FHIT: variants seen among roughly 807,000 people sequenced by gnomAD.
FHIT encodes bis(5'-adenosyl)-triphosphatase.
A neutral mutation model predicts 17.9 loss-of-function variants in FHIT; 19 were observed. That is an observed-to-expected ratio of 1.06 (90% CI 0.74 to 1.56). The LOEUF is 1.56. FHIT is among the 40% of genes most tolerant of loss of function. FHIT has a pLI of 0.00. For missense variants in FHIT, 248 were observed against 189.2 expected, an observed-to-expected ratio of 1.31 and a Z score of -1.82; for synonymous variants, 81 against 69.7, an observed-to-expected ratio of 1.16 and a Z score of -0.81.
At chr3:60,073,935 T>C (rs1488507302) in intron 5 of FHIT, among the ~76,000 whole-genome samples, 1 of 152,164 alleles carries the variant, frequency 6.6e-6, no homozygotes, top group Admixed American at 6.6e-5. Context: ...GTTCAGTAAA[T>C]ATTCACTCTC....
At chr3:59,753,365 AT>A (rs1208075594) in intron 8 of FHIT, among the ~76,000 whole-genome samples, 1 of 152,234 alleles carries the variant, frequency 6.6e-6, no homozygotes, top group Non-Finnish European at 1.5e-5. Flanking sequence ...TTACAGGCAT[AT>A]TTAAAAAATT....
chr3:60,505,672 T>A (rs1281615286), intron 5 of FHIT, among the ~76,000 whole-genome samples: 1 of 152,196 alleles, frequency 6.6e-6, no homozygotes, highest in Non-Finnish European at 1.5e-5. Flanking sequence ...TTATTTGGGC[T>A]CTGTTTTTGA....
At position 60,229,129 on chromosome 3, in the gene FHIT, T is replaced by C. The variant is rs180987621; in HGVS notation, c.104-214977A>G. On this transcript the variant is annotated intron_variant, in intron 5 of 9. Transcript: ENST00000492590. ...AGGGACAGTGCCCTCAAGAAAGTCATTACCTGGCCACTTGCAGTGGCTCAT... is the reference window on the plus strand; with the variant it reads ...AGGGACAGTGCCCTCAAGAAAGTCACTACCTGGCCACTTGCAGTGGCTCAT... 2.6e-5 allele frequency among the ~76,000 whole-genome samples: 4 copies of C among 152,212 alleles called. No homozygotes were observed. The East Asian group carries it at 7.7e-4, about 29-fold the overall frequency.
intron 7 of FHIT, among the ~76,000 whole-genome samples, chr3:59,980,349 T>C (rs541653263): frequency 1.3e-5 from 2 of 152,306 alleles, no homozygotes; most frequent in Admixed American, 6.5e-5. Context: ...AAAGTGTGCA[T>C]CTATATTCTT....
intron 3 of FHIT, among the ~76,000 whole-genome samples, chr3:61,036,092 T>A (rs2033224522): frequency 6.6e-6 from 1 of 152,224 alleles, no homozygotes; most frequent in African/African-American, 2.4e-5. Context: ...CTGGAGGCTG[T>A]ACGAGCATGG....
rs565295318 is a variant in FHIT, at chr3:59,899,645, G to A, written c.348+22701C>T. ...GCTCAGGAGTTCGAGACCAGCCTGGGCAATATGGCGAAACCCCGTCTGTAC... is the reference window on the plus strand; with the variant it reads ...GCTCAGGAGTTCGAGACCAGCCTGGACAATATGGCGAAACCCCGTCTGTAC... On this transcript the variant is annotated intron_variant, in intron 8 of 9. Coordinates refer to ENST00000492590, the MANE Select transcript of FHIT (RefSeq NM_002012.4). Among the ~76,000 whole-genome samples the A allele has an allele frequency of 9.5e-4, 144 of 151,514 alleles. 1 individual carries two copies. The highest frequency in any genetic ancestry group is 1.5e-3 in the Non-Finnish European group (105 of 67,940).
At chr3:60,404,634 T>C (rs1224837061) in intron 5 of FHIT, among the ~76,000 whole-genome samples, 2 of 152,158 alleles carry the variant, frequency 1.3e-5, no homozygotes, top group African/African-American at 4.8e-5. Context: ...GACTATAGGC[T>C]TCAAAAGAAC....
At position 60,856,832 on chromosome 3, in the gene FHIT, T is replaced by C. The variant is rs558513542; in HGVS notation, c.-110-34821A>G. Among the ~76,000 whole-genome samples, 9 of 152,170 alleles carry C rather than the reference T, an allele frequency of 5.9e-5. No individual in the cohort carries two copies. In the South Asian group the frequency reaches 1.7e-3, roughly 28 times the overall value. On this transcript the variant is annotated intron_variant, in intron 3 of 9. Coordinates refer to ENST00000492590, the MANE Select transcript of FHIT (RefSeq NM_002012.4). Reference sequence around the variant, plus strand: ...AGTGCGTGGACCCTATTGTACTCTCTCAGGCCTCAAAACCATGTAACATCC... The same window carrying C: ...AGTGCGTGGACCCTATTGTACTCTCCCAGGCCTCAAAACCATGTAACATCC...
At chr3:60,977,820 G>T (rs1022120743) in intron 3 of FHIT, among the ~76,000 whole-genome samples, 1 of 151,712 alleles carries the variant, frequency 6.6e-6, no homozygotes, top group Non-Finnish European at 1.5e-5. Flanking sequence ...GCAGTGAGCC[G>T]AGATCTCGCC....
intron 5 of FHIT, among the ~76,000 whole-genome samples, chr3:60,468,152 A>G (rs991345151): frequency 1.3e-5 from 2 of 151,876 alleles, no homozygotes; most frequent in African/African-American, 2.4e-5. Context: ...ATCTTCTTCC[A>G]TATCTCTTTA....
rs189870464 is a variant in FHIT at position 61,231,607 on chromosome 3, C to T, written c.-213+19694G>A. Among the ~76,000 whole-genome samples the T allele has an allele frequency of 3.9e-5, 6 of 152,164 alleles. No individual in the cohort carries two copies. In the East Asian group the frequency reaches 9.7e-4, roughly 24 times the overall value. ...ATAATCAACTGTGCTTTATACATAG[C>T]ATATGGACAGTTACTATGAACCATT... On this transcript the variant is annotated intron_variant, in intron 1 of 9. Transcript: ENST00000492590.
chr3:60,241,751 A>G (rs1308372233), intron 5 of FHIT, among the ~76,000 whole-genome samples: 1 of 152,104 alleles, frequency 6.6e-6, no homozygotes, highest in African/African-American at 2.4e-5. Context: ...AGTTATATTC[A>G]TGACTAGTAG....
intron 8 of FHIT, among the ~76,000 whole-genome samples, chr3:59,791,008 G>T (rs527728150): frequency 6.6e-6 from 1 of 152,244 alleles, no homozygotes; most frequent in East Asian, 1.9e-4. Flanking sequence ...GCATCTTTGG[G>T]AAGCCTTTCT....
At chr3:60,524,258 T>C (rs897685566) in intron 5 of FHIT, among the ~76,000 whole-genome samples, 3 of 149,788 alleles carry the variant, frequency 2.0e-5, no homozygotes, top group East Asian at 2.0e-4. Flanking sequence ...AAATAAATTA[T>C]ATAATAATTT....
rs1276633874 is a variant in FHIT at position 60,416,726 on chromosome 3, A to G, written c.103+120134T>C. 3.3e-5 allele frequency among the ~76,000 whole-genome samples: 5 copies of G among 152,176 alleles called. No individual in the cohort carries two copies. In the East Asian group the frequency reaches 5.8e-4, roughly 18 times the overall value. ...CAGCTAGCTGTAGTTATTAACTGCTACCTTAGAGTGATACCTACTCATGTG... is the reference window on the plus strand; with the variant it reads ...CAGCTAGCTGTAGTTATTAACTGCTGCCTTAGAGTGATACCTACTCATGTG... On this transcript the variant is annotated intron_variant, in intron 5 of 9. Transcript: ENST00000492590.
Position 61,053,753 on chromosome 3 carries a change from C to T in FHIT, c.-163-11654G>A, listed in dbSNP as rs544562178. ...CTTGGTATGAGTTGATGGGTCAAACCCATAGCTTCTCTGGCTACTCAGGAA... is the reference window on the plus strand; with the variant it reads ...CTTGGTATGAGTTGATGGGTCAAACTCATAGCTTCTCTGGCTACTCAGGAA... On this transcript the variant is annotated intron_variant, in intron 2 of 9. Coordinates refer to ENST00000492590, the MANE Select transcript of FHIT (RefSeq NM_002012.4). Among the ~76,000 whole-genome samples, 12 of 152,144 alleles carry T rather than the reference C, an allele frequency of 7.9e-5. No individual in the cohort carries two copies. The South Asian group carries it at 2.3e-3, about 29-fold the overall frequency.
At chr3:60,208,726 G>C (rs577364455) in intron 5 of FHIT, among the ~76,000 whole-genome samples, 1 of 152,134 alleles carries the variant, frequency 6.6e-6, no homozygotes, top group South Asian at 2.1e-4. Flanking sequence ...TAAAAGTATA[G>C]CTCTGAGAAT....
chr3:60,226,377 C>A (rs955262647), intron 5 of FHIT, among the ~76,000 whole-genome samples: 11 of 149,726 alleles, frequency 7.3e-5, no homozygotes, highest in African/African-American at 2.7e-4. Flanking sequence ...GAGGCTGAGG[C>A]AGGAGAACCG....
intron 3 of FHIT, among the ~76,000 whole-genome samples, chr3:61,025,244 T>C (rs1180237856): frequency 6.6e-6 from 1 of 152,168 alleles, no homozygotes; most frequent in African/African-American, 2.4e-5. Flanking sequence ...GGACAGAGCG[T>C]ATTAAATTAT....
Sources: gnomAD v4.1 joint callset for allele counts (sites outside exome capture counted in the v4.1 genomes callset) on GRCh38, gnomAD v4.1.1 for gene constraint, MANE v1.5 for transcripts, NCBI Gene and HGNC (gene_info 2026-07-23, HGNC 2026-07-21) for gene names.